The following NFATC2 variants were observed in gnomAD, a reference collection of about 807,000 sequenced individuals.
The protein encoded by NFATC2 is nuclear factor of activated T-cells, cytoplasmic 2.
A neutral mutation model predicts 87.3 loss-of-function variants in NFATC2; 22 were observed. The ratio of observed to expected loss-of-function variants is 0.25; its 90% CI spans 0.18 to 0.36. NFATC2 has a LOEUF of 0.36. NFATC2 is among the 10% of genes least tolerant of loss of function. NFATC2 has a pLI of 1.00. For synonymous variants in NFATC2, 565 were observed against 542.2 expected (o/e 1.04, Z -0.58); for missense variants, 1,149 against 1,259.1 (o/e 0.91, Z 1.32).
Position 51,524,683 on chromosome 20 carries a change from G to A in NFATC2, c.131-573C>T, listed in dbSNP as rs1343632685. 6.6e-6 allele frequency among the ~76,000 whole-genome samples: 1 copy of A among 152,046 alleles called. No homozygotes were observed. Among genetic ancestry groups the A allele is most frequent in the Non-Finnish European group, 1.5e-5 (1 of 68,018 alleles). ...CTGCGCAGACTCTGCAGCCCACAGT[G>A]CCCTGGGCTTCAATCCCAGATTTCA... On this transcript the variant is annotated intron_variant, in intron 1 of 10. Coordinates refer to ENST00000371564, the MANE Select transcript of NFATC2 (RefSeq NM_012340.5). This position sits in a 1 kb window ranked among gnomAD's most constrained non-coding sequence, Gnocchi z 4.0.
intron 9 of NFATC2, among the ~76,000 whole-genome samples, chr20:51,417,125 C>T (rs1489732839): frequency 2.6e-5 from 4 of 152,158 alleles, no homozygotes; most frequent in African/African-American, 9.7e-5. Flanking sequence ...GCTTTGTAAC[C>T]TCAGACAAAT....
intron 1 of NFATC2, among the ~76,000 whole-genome samples, chr20:51,561,484 AAAGCAAGCAAGC>A (rs377087625): frequency 0.044 from 3,983 of 89,580 alleles, 101 homozygotes; most frequent in Admixed American, 0.059. Context: ...AGAAAGAAAG[AAAGCAAGCAAGC>A]AAGCAAGCAA....
chr20:51,519,864 T>G (rs1456234279), intron 2 of NFATC2, among the ~76,000 whole-genome samples: 1 of 149,452 alleles, frequency 6.7e-6, no homozygotes, highest in East Asian at 2.0e-4. Context: ...TGCAGTGAGC[T>G]GAGATCGCAC....
At chr20:51,558,056 C>T (rs993264372) in intron 1 of NFATC2, among the ~76,000 whole-genome samples, 3 of 152,156 alleles carry the variant, frequency 2.0e-5, no homozygotes, top group African/African-American at 7.2e-5. Flanking sequence ...AAAATAGGAA[C>T]CTGGCCGGCC....
rs12625274 is a variant in NFATC2, at chr20:51,450,675, C to G, written c.1849+3873G>C. On this transcript the variant is annotated intron_variant, in intron 6 of 10. Coordinates refer to ENST00000371564, the MANE Select transcript of NFATC2 (RefSeq NM_012340.5). ...GCTGAATATCACCTGTGGACGAGTCCCCTGGATTCTCCAAGCTAAACTGTC... is the reference window on the plus strand; with the variant it reads ...GCTGAATATCACCTGTGGACGAGTCGCCTGGATTCTCCAAGCTAAACTGTC... Among the ~76,000 whole-genome samples the G allele has an allele frequency of 0.011, 1,669 of 152,214 alleles. 77 individuals carry two copies. The East Asian group carries it at 0.16, about 15-fold the overall frequency.
chr20:51,435,710 T>C lies in NFATC2; in HGVS notation c.1901A>G (p.Gln634Arg), dbSNP rs867361009. 2 of 1,609,866 alleles carry C rather than the reference T, an allele frequency of 1.2e-6. No homozygotes were observed. The highest frequency in any genetic ancestry group is 1.7e-6 in the Non-Finnish European group (2 of 1,178,032). The change falls in exon 7 of 11, where the codon CAG becomes CGG. Residue 634 changes from glutamine (Q) to arginine (R), a missense_variant. This residue lies in a region of NFATC2 where 581 missense variants were observed against 649.7 expected (regional missense o/e 0.89). Coordinates refer to ENST00000371564, the MANE Select transcript of NFATC2 (RefSeq NM_012340.5). ...TCAGGTGCGTCACGTGCTTACGGGC[T>C]GGCTCTTGTCCTTATCCACCGTGGC... Reference protein sequence around the residue: ...MEATVDKDKSQPNMLFVEIPE... With the variant: ...MEATVDKDKSRPNMLFVEIPE...
At chr20:51,477,449 T>C (rs1735604852) in intron 3 of NFATC2, among the ~76,000 whole-genome samples, 1 of 150,196 alleles carries the variant, frequency 6.7e-6, no homozygotes, top group Non-Finnish European at 1.5e-5. Flanking sequence ...TATGCCATGT[T>C]ATAGGAAGGA....
intron 9 of NFATC2, among the ~76,000 whole-genome samples, chr20:51,425,592 G>A (rs1320879547): frequency 2.6e-5 from 4 of 152,240 alleles, no homozygotes; most frequent in African/African-American, 7.2e-5. Context: ...CAGGCTCCGC[G>A]TGGGCTTTGC....
At chr20:51,398,609 G>C (rs1987591814) in intron 10 of NFATC2, 34 bp downstream of exon 10, 1 of 1,486,652 alleles carries the variant, frequency 6.7e-7, no homozygotes, top group Non-Finnish European at 9.2e-7. Flanking sequence ...CACACAGCTG[G>C]AAAACAAAAG....
In NFATC2 at chr20:51,432,553, TCTGTTG is replaced by T; in HGVS notation, c.2230_2235del (p.Gln744_Gln745del). ...CGCTGGTAGAGTACGGCCGCTGGGTTCTGTTGCTGGTAGCGGGCGTCAGGGGATGAG... is the reference window on the plus strand; with the variant it reads ...CGCTGGTAGAGTACGGCCGCTGGGTTCTGGTAGCGGGCGTCAGGGGATGAG... On this transcript the variant is annotated inframe_deletion, in exon 9 of 11. Transcript: ENST00000371564. The surrounding 1 kb of genome is among the most constrained non-coding windows in gnomAD (Gnocchi z 4.6). The T allele has an allele frequency of 6.5e-7, 1 of 1,542,882 alleles. No homozygotes were observed. The highest frequency in any genetic ancestry group is 8.7e-7 in the Non-Finnish European group (1 of 1,145,704).
chr20:51,545,900 AT>A (rs1266543377), upstream of NFATC2, among the ~76,000 whole-genome samples: 1 of 152,226 alleles, frequency 6.6e-6, no homozygotes, highest in Non-Finnish European at 1.5e-5. Flanking sequence ...GAGTGGATCC[AT>A]TAATCAATGG....
In NFATC2 at chr20:51,447,727, G is replaced by C. The variant is rs557760725; in HGVS notation, c.1849+6821C>G. Among the ~76,000 whole-genome samples the C allele has an allele frequency of 1.6e-4, 25 of 152,328 alleles. No individual in the cohort carries two copies. The South Asian group carries it at 5.2e-3, about 32-fold the overall frequency. ...TTCCCAGCGTGAACTTTGCCTGAAG[G>C]GTTACACATTTTTTAAATTTCAGAG... On this transcript the variant is annotated intron_variant, in intron 6 of 10. Transcript: ENST00000371564.
rs1429617799 is a variant in NFATC2, at chr20:51,523,077, T to C, written c.1160+4A>G. 1 of 1,614,038 alleles carries C rather than the reference T, an allele frequency of 6.2e-7. No individual in the cohort carries two copies. Among genetic ancestry groups the C allele is most frequent in the East Asian group, 2.2e-5 (1 of 44,888 alleles). On this transcript the variant is annotated splice_donor_region_variant and intron_variant, in intron 2 of 10. Transcript: ENST00000371564. This position sits in a 1 kb window ranked among gnomAD's most constrained non-coding sequence, Gnocchi z 6.9. ...GAATCAATCATTTTCAAAGCCCTGC[T>C]CACCTGCAGATGGGAATGGCAGGCA...
intron 5 of NFATC2, among the ~76,000 whole-genome samples, chr20:51,463,675 A>G (rs1401979892): frequency 1.3e-5 from 2 of 152,226 alleles, no homozygotes; most frequent in Non-Finnish European, 2.9e-5. Context: ...GTGGGACTGC[A>G]GCAAGTCACT....
upstream of NFATC2, among the ~76,000 whole-genome samples, chr20:51,546,955 G>A (rs895401473): frequency 1.3e-5 from 2 of 152,120 alleles, no homozygotes; most frequent in Admixed American, 1.3e-4. Flanking sequence ...TGGAGGACCC[G>A]AAAGAAGACA....
At chr20:51,532,580 T>C (rs1370640826) in intron 1 of NFATC2, among the ~76,000 whole-genome samples, 1 of 152,140 alleles carries the variant, frequency 6.6e-6, no homozygotes, top group Non-Finnish European at 1.5e-5. Context: ...GGCCACACAG[T>C]GGTCCCCGCC....
intron 1 of NFATC2, among the ~76,000 whole-genome samples, chr20:51,530,671 G>C (rs935792038): frequency 2.0e-5 from 3 of 152,162 alleles, no homozygotes; most frequent in Admixed American, 6.5e-5. Flanking sequence ...TGCTGCTCAA[G>C]GGCCTCTGTA....
At chr20:51,561,998 G>A (rs1164253066) in intron 1 of NFATC2, among the ~76,000 whole-genome samples, 1 of 152,120 alleles carries the variant, frequency 6.6e-6, no homozygotes, top group Non-Finnish European at 1.5e-5. Flanking sequence ...GCACTTTAAA[G>A]GGGTAGCTGG....
intron 9 of NFATC2, among the ~76,000 whole-genome samples, chr20:51,426,869 T>C (rs949533920): frequency 2.2e-4 from 23 of 103,838 alleles, no homozygotes; most frequent in African/African-American, 6.3e-4. Context: ...ATATACAGAA[T>C]GCACTACTGA....
Sources: gnomAD v4.1 joint callset for allele counts (sites outside exome capture counted in the v4.1 genomes callset) on GRCh38, gnomAD v4.1.1 for gene constraint, gnomAD v4.1.1 regional missense constraint, Gnocchi (gnomAD v3.1) non-coding constraint, MANE v1.5 for transcripts, NCBI Gene and HGNC (gene_info 2026-07-23, HGNC 2026-07-21) for gene names.